GCN1: variants seen among roughly 807,000 people sequenced by gnomAD.
GCN1 encodes stalled ribosome sensor GCN1.
GCN1 carries 90 observed loss-of-function variants against 288.4 expected under a neutral mutation model. That is an observed-to-expected ratio of 0.31 (90% CI 0.26 to 0.37). GCN1 has a LOEUF of 0.37. GCN1 is among the 10% of genes least tolerant of loss of function. GCN1 has a pLI of 1.00. For missense variants in GCN1, 2,586 were observed against 3,419.9 expected, an observed-to-expected ratio of 0.76 and a Z score of 6.08; for synonymous variants, 1,386 against 1,420.2, an observed-to-expected ratio of 0.98 and a Z score of 0.54.
Position 120,134,540 on chromosome 12 carries a change from C to T in GCN1, c.7195G>A (p.Gly2399Ser). 2 of 1,613,546 alleles carry T rather than the reference C, an allele frequency of 1.2e-6. No homozygotes were observed. The highest frequency in any genetic ancestry group is 1.7e-6 in the Non-Finnish European group (2 of 1,179,468). The change falls in exon 52 of 58, where the codon GGT (glycine) becomes AGT (serine). Residue 2399 changes from glycine (G) to serine (S), a missense_variant. By Grantham distance (56) the Gly-to-Ser change is moderately conservative (BLOSUM62 0). Coordinates refer to ENST00000300648, the MANE Select transcript of GCN1 (RefSeq NM_006836.2). This position sits in a 1 kb window ranked among gnomAD's most constrained non-coding sequence, Gnocchi z 5.0. ...CCCTTGCCAGCGCCGTACCTGACAC[C>T]TGGGTCCTCCATGGCGCGGATGCCA... The part of the protein sequence containing the change: ...LNGIRAMEDP[G>S]VRDTMLQALR...
At chr12:120,167,785 T>C (rs1479973790) in intron 16 of GCN1, among the ~76,000 whole-genome samples, 2 of 152,180 alleles carry the variant, frequency 1.3e-5, no homozygotes, top group African/African-American at 4.8e-5. Flanking sequence ...TAAGGCAACG[T>C]AGAATATTAA....
chr12:120,176,131 TG>T lies in GCN1; in HGVS notation c.913+11del. ...TGACACTTATGGGCTGGAGAGGGGCTGGGATACTCACCAGCCAGTCCTTTCA... is the reference window on the plus strand; with the variant it reads ...TGACACTTATGGGCTGGAGAGGGGCTGGATACTCACCAGCCAGTCCTTTCA... On this transcript the variant is annotated intron_variant, in intron 10 of 57. Coordinates refer to ENST00000300648, the MANE Select transcript of GCN1 (RefSeq NM_006836.2). 6.3e-7 allele frequency: 1 copy of T among 1,586,548 alleles called. No individual in the cohort carries two copies. Among genetic ancestry groups the T allele is most frequent in the Middle Eastern group, 1.7e-4 (1 of 5,994 alleles).
intron 24 of GCN1, among the ~76,000 whole-genome samples, chr12:120,159,232 A>C (rs191796366): frequency 1.1e-4 from 17 of 152,264 alleles, no homozygotes; most frequent in Admixed American, 7.2e-4. Context: ...ACAAGCCCAG[A>C]CAGCCAGGTG....
In GCN1 at chr12:120,175,143, A is replaced by G. The variant is rs761292191; in HGVS notation, c.1093+19T>C. 25 of 1,571,120 alleles carry G rather than the reference A, an allele frequency of 1.6e-5. No homozygotes were observed. The highest frequency in any genetic ancestry group is 4.1e-5 in the African/African-American group (3 of 72,874). On this transcript the variant is annotated intron_variant, in intron 12 of 57. Transcript: ENST00000300648. Reference sequence around the variant, plus strand: ...CTTTCTCTCAAAAAAAAAAAAAAAAAAAAAAAGAAATCCTATACCTGAGAG... The same window carrying G: ...CTTTCTCTCAAAAAAAAAAAAAAAAGAAAAAAGAAATCCTATACCTGAGAG...
intron 24 of GCN1, among the ~76,000 whole-genome samples, chr12:120,159,476 A>C (rs1363501911): frequency 6.6e-6 from 1 of 152,240 alleles, no homozygotes; most frequent in Non-Finnish European, 1.5e-5. Context: ...CACTGCTGTC[A>C]TGTGGCTGTT....
intron 14 of GCN1, among the ~76,000 whole-genome samples, chr12:120,173,110 A>G (rs1277729423): frequency 1.4e-5 from 2 of 142,312 alleles, no homozygotes; most frequent in African/African-American, 5.4e-5. Flanking sequence ...CCCAGGCTGG[A>G]GTACAATGGC....
rs1235993038 is a variant in GCN1, at chr12:120,180,519, C to T, written c.427-1569G>A. 2.7e-5 allele frequency among the ~76,000 whole-genome samples: 4 copies of T among 150,074 alleles called. No homozygotes were observed. The East Asian group carries it at 6.0e-4, about 23-fold the overall frequency. Reference sequence around the variant, plus strand: ...AGTCCCAGCTACTCAGGAGGAAAATCGCTTGAACCCAGGAGGTGGAGTTTG... The same window carrying T: ...AGTCCCAGCTACTCAGGAGGAAAATTGCTTGAACCCAGGAGGTGGAGTTTG... On this transcript the variant is annotated intron_variant, in intron 5 of 57. Transcript: ENST00000300648.
rs199811996 is a variant in GCN1, at chr12:120,144,699, G to A, written c.5292C>T (p.Pro1764=). ...GAGTAAACTTGTCTCCAAAGGTGAT[G>A]GGCAGGTAGTTAAACATCATAATGT... is the stretch of plus-strand genomic sequence containing the variant. ...DGYIMMFNYL[P]ITFGDKFTPY... The change falls in exon 41 of 58, where the codon CCC becomes CCT. Residue 1764 remains proline (P), a synonymous_variant. Coordinates refer to ENST00000300648, the MANE Select transcript of GCN1 (RefSeq NM_006836.2). The surrounding 1 kb of genome is among the most constrained non-coding windows in gnomAD (Gnocchi z 4.7). 177 of 1,613,974 alleles carry A rather than the reference G, an allele frequency of 1.1e-4. No individual in the cohort carries two copies. Among genetic ancestry groups the A allele is most frequent in the Non-Finnish European group, 1.4e-4 (168 of 1,179,924 alleles).
In GCN1 at chr12:120,153,762, C is replaced by T; in HGVS notation, c.3849G>A (p.Thr1283=). 4 of 1,614,062 alleles carry T rather than the reference C, an allele frequency of 2.5e-6. No homozygotes were observed. Among genetic ancestry groups the T allele is most frequent in the South Asian group, 1.1e-5 (1 of 91,066 alleles). Residue 1283 remains threonine, a synonymous_variant, in exon 32 of 58, where the codon ACG becomes ACA. Coordinates refer to ENST00000300648, the MANE Select transcript of GCN1 (RefSeq NM_006836.2). The surrounding 1 kb of genome is among the most constrained non-coding windows in gnomAD (Gnocchi z 4.4). ...CCCTTACCTTCCCATGAGTGTTGAG[C>T]GTTGCGAGGGCTGCATCCAACATGC... ...RKCMLDAALA[T]LNTHGKENVN...
chr12:120,172,996 G>A (rs1457234231), intron 14 of GCN1, among the ~76,000 whole-genome samples: 1 of 151,852 alleles, frequency 6.6e-6, no homozygotes, highest in Non-Finnish European at 1.5e-5. Flanking sequence ...AAGGAAGGGC[G>A]GTGGTCATTT....
chr12:120,136,203 T>C (rs1338956077), intron 51 of GCN1, among the ~76,000 whole-genome samples: 3 of 152,184 alleles, frequency 2.0e-5, no homozygotes, highest in Non-Finnish European at 4.4e-5. Context: ...CATAACCTCA[T>C]CTAATCCCCA....
At position 120,156,445 on chromosome 12, in the gene GCN1, G is replaced by A; in HGVS notation, c.3312+16C>T. On this transcript the variant is annotated intron_variant, in intron 28 of 57. Transcript: ENST00000300648. This position sits in a 1 kb window ranked among gnomAD's most constrained non-coding sequence, Gnocchi z 5.8. ...TGACAAGGGACACTGCAGTGGCTCT[G>A]AGACTGAGCACACACCCGGAGCACG... 6.2e-7 allele frequency: 1 copy of A among 1,612,534 alleles called. No homozygotes were observed. The highest frequency in any genetic ancestry group is 8.5e-7 in the Non-Finnish European group (1 of 1,179,384).
chr12:120,171,077 G>A (rs1029395444), intron 14 of GCN1, among the ~76,000 whole-genome samples: 3 of 149,012 alleles, frequency 2.0e-5, no homozygotes, highest in African/African-American at 5.0e-5. Context: ...GGAGGCGGAG[G>A]TTGCAGTGAG....
chr12:120,171,590 T>A (rs1878316126), intron 14 of GCN1, among the ~76,000 whole-genome samples: 1 of 152,180 alleles, frequency 6.6e-6, no homozygotes, highest in Non-Finnish European at 1.5e-5. Flanking sequence ...GAAAGCAGTT[T>A]CCCAGATAAT....
Position 120,173,840 on chromosome 12 carries a change from C to A in GCN1, c.1193-14G>T, listed in dbSNP as rs761933199. 1.3e-5 allele frequency: 21 copies of A among 1,609,460 alleles called. No individual in the cohort carries two copies. The African/African-American group carries it at 2.8e-4, about 22-fold the overall frequency. ...TCCCTTCATGAACTAGGGCAAAAAG[C>A]AGAAGTCCAGTCAGTCCAATGTCTT... On this transcript the variant is annotated splice_polypyrimidine_tract_variant and intron_variant, in intron 13 of 57. Coordinates refer to ENST00000300648, the MANE Select transcript of GCN1 (RefSeq NM_006836.2).
At position 120,137,196 on chromosome 12, in the gene GCN1, C is replaced by T. The variant is rs372816569; in HGVS notation, c.6777+10G>A. 65 of 1,603,482 alleles carry T rather than the reference C, an allele frequency of 4.1e-5. No homozygotes were observed. The African/African-American group carries it at 8.6e-4, about 21-fold the overall frequency. On this transcript the variant is annotated intron_variant, in intron 50 of 57. Transcript: ENST00000300648. This position sits in a 1 kb window ranked among gnomAD's most constrained non-coding sequence, Gnocchi z 5.2. ...ACGCCCACAGCCCCCTGCACGAGGC[C>T]CTGGCTTACCTTCTTCGGGAGGCAG...
rs566246941 is a variant in GCN1 at position 120,140,988 on chromosome 12, C to T, written c.5865G>A (p.Lys1955=). Residue 1955 remains lysine, a synonymous_variant, in exon 45 of 58, where the codon AAG becomes AAA. Coordinates refer to ENST00000300648, the MANE Select transcript of GCN1 (RefSeq NM_006836.2). The part of the protein sequence containing the change: ...AARTLGDLVR[K]LGEKILPEII... ...TCTCGGGGAGGATTTTCTCCCCTAA[C>T]TTCCGCACAAGATCTCCCAATGTTC... is the stretch of plus-strand genomic sequence containing the variant. The T allele has an allele frequency of 2.4e-5, 39 of 1,613,764 alleles. No individual in the cohort carries two copies. Among genetic ancestry groups the T allele is most frequent in the African/African-American group, 8.0e-5 (6 of 74,884 alleles).
In GCN1 at chr12:120,168,308, A is replaced by G; in HGVS notation, c.1520-8T>C. ...AACTGCTCAGTTTGGCCTCTGCAAG[A>G]AACAAAAGGTTACCCCACGACGCAG... On this transcript the variant is annotated splice_region_variant and splice_polypyrimidine_tract_variant and intron_variant, in intron 15 of 57. Transcript: ENST00000300648. The G allele has an allele frequency of 6.5e-7, 1 of 1,548,806 alleles. No homozygotes were observed. Among genetic ancestry groups the G allele is most frequent in the Non-Finnish European group, 8.9e-7 (1 of 1,120,518 alleles).
chr12:120,177,673 C>T lies in GCN1; in HGVS notation c.729+11G>A. On this transcript the variant is annotated intron_variant, in intron 8 of 57. Transcript: ENST00000300648. ...AGTTGTCCAGGTGAGTAACGTCCAC[C>T]TCTCGCTCACCAACAGGTACTTCGG... The T allele has an allele frequency of 6.2e-7, 1 of 1,608,044 alleles. No homozygotes were observed.
Sources: gnomAD v4.1 joint callset for allele counts (sites outside exome capture counted in the v4.1 genomes callset) on GRCh38, gnomAD v4.1.1 for gene constraint, Gnocchi (gnomAD v3.1) non-coding constraint, MANE v1.5 for transcripts, NCBI Gene and HGNC (gene_info 2026-07-23, HGNC 2026-07-21) for gene names.